CAPN9: variants seen among roughly 807,000 people sequenced by gnomAD.
The protein encoded by CAPN9 is calpain-9.
CAPN9 carries 81 observed loss-of-function variants against 92.8 expected under a neutral mutation model. That is an observed-to-expected ratio of 0.87 (90% CI 0.73 to 1.05). The LOEUF (loss-of-function observed/expected upper bound fraction) is 1.05, where lower values mean the gene tolerates loss of function less well. Among genes scored for constraint, CAPN9 ranks in the 50% least tolerant of loss-of-function variants. CAPN9 has a pLI of 0.00. For missense variants in CAPN9, 848 were observed against 866.2 expected, an observed-to-expected ratio of 0.98 and a Z score of 0.26; for synonymous variants, 304 against 328.0, an observed-to-expected ratio of 0.93 and a Z score of 0.79.
intron 9 of CAPN9, 38 bp from the exon 10 acceptor site, chr1:230,780,141 T>C: frequency 2.5e-6 from 4 of 1,573,608 alleles, no homozygotes; most frequent in East Asian, 4.5e-5. Flanking sequence ...GGGTTGTTTT[T>C]TAAAAGGGGA....
chr1:230,789,819 G>A (rs1030527401), intron 13 of CAPN9, among the ~76,000 whole-genome samples: 2 of 152,180 alleles, frequency 1.3e-5, no homozygotes, highest in Admixed American at 6.5e-5. Context: ...GACAATTCCA[G>A]GAGTTGGTTC....
chr1:230,792,766 C>G (rs7522057), intron 16 of CAPN9, 84 bp from the exon 17 acceptor site: 472,027 of 1,165,460 alleles, frequency 0.41, 98,477 homozygotes, highest in Middle Eastern at 0.58. Flanking sequence ...GTAGCTCCCC[C>G]GGGCTGGCTG....
chr1:230,800,250 GAAAGAAA>G (rs1558124064), intron 19 of CAPN9, among the ~76,000 whole-genome samples: 1 of 102,714 alleles, frequency 9.7e-6, no homozygotes, highest in East Asian at 2.4e-4. Context: ...AAGAAAGAAA[GAAAGAAA>G]GAAAGAAAGA....
At chr1:230,783,820 G>A (rs1211368279) in intron 11 of CAPN9, among the ~76,000 whole-genome samples, 1 of 152,220 alleles carries the variant, frequency 6.6e-6, no homozygotes, top group Non-Finnish European at 1.5e-5. Flanking sequence ...GAAGGCCTCA[G>A]AAGAAGACAG....
At position 230,750,648 on chromosome 1, in the gene CAPN9, C is replaced by T. The variant is rs1012143888; in HGVS notation, c.213+2939C>T. On this transcript the variant is annotated intron_variant, in intron 1 of 19. Transcript: ENST00000271971. ...GTGGGACTCAGCATTACACGGTGCA[C>T]ATCTCAGCAGCCCGTGGGACCGTGG... 5.9e-5 allele frequency among the ~76,000 whole-genome samples: 9 copies of T among 152,314 alleles called. 1 individual carries two copies. The East Asian group carries it at 1.4e-3, about 23-fold the overall frequency.
intron 14 of CAPN9, 124 bp downstream of exon 14, chr1:230,790,313 C>A: frequency 2.2e-6 from 3 of 1,381,346 alleles, no homozygotes; most frequent in Non-Finnish European, 2.8e-6. Context: ...TGTAGGTAGA[C>A]TTTAAAAATA....
intron 1 of CAPN9, among the ~76,000 whole-genome samples, chr1:230,751,664 AAAGAAAGAAAGAAAGAAAG>A (rs1558080271): frequency 7.3e-5 from 4 of 54,430 alleles, no homozygotes; most frequent in African/African-American, 2.0e-4. Flanking sequence ...AGAAAGAAAG[AAAGAAAGAAAGAAAGAAAG>A]AAGGGTGGCT....
At position 230,759,525 on chromosome 1, in the gene CAPN9, A is replaced by G; in HGVS notation, c.297A>G (p.Leu99=). The part of the protein sequence containing the change: ...ICQGELGDCW[L]LAAIASLTLN... ...TCCATTTTGCAGGAGACTGCTGGCT[A>G]TTAGCCGCCATCGCCTCCCTTACGC... Residue 99 remains leucine, a synonymous_variant, in exon 3 of 20, where the codon CTA becomes CTG. Transcript: ENST00000271971. 6.2e-7 allele frequency: 1 copy of G among 1,608,838 alleles called. No homozygotes were observed. The highest frequency in any genetic ancestry group is 8.5e-7 in the Non-Finnish European group (1 of 1,178,060).
At chr1:230,783,633 T>G (rs1345223182) in intron 11 of CAPN9, among the ~76,000 whole-genome samples, 1 of 152,232 alleles carries the variant, frequency 6.6e-6, no homozygotes, top group African/African-American at 2.4e-5. Flanking sequence ...CATGCTTCTT[T>G]GTAAAGCCAA....
intron 3 of CAPN9, among the ~76,000 whole-genome samples, chr1:230,762,088 C>G (rs1665682940): frequency 6.6e-6 from 1 of 152,214 alleles, no homozygotes; most frequent in African/African-American, 2.4e-5. Context: ...CACACACACC[C>G]ACACTCCACT....
intron 14 of CAPN9, among the ~76,000 whole-genome samples, chr1:230,790,987 T>C (rs1363996933): frequency 6.6e-6 from 1 of 152,226 alleles, no homozygotes; most frequent in Non-Finnish European, 1.5e-5. Flanking sequence ...ATGTGGTCCT[T>C]TCTGACTGGC....
At chr1:230,764,656 T>TAA (rs1558091016) in intron 4 of CAPN9, among the ~76,000 whole-genome samples, 5 of 152,272 alleles carry the variant, frequency 3.3e-5, no homozygotes, top group Non-Finnish European at 5.9e-5. Flanking sequence ...TATGCTCTAG[T>TAA]TGCTAAAATT....
intron 1 of CAPN9, chr1:230,752,540 C>A: frequency 4.5e-6 from 1 of 222,824 alleles, no homozygotes; most frequent in Non-Finnish European, 7.5e-6. Context: ...GAGGCGGTGG[C>A]AGCTGCAGGC....
intron 4 of CAPN9, among the ~76,000 whole-genome samples, chr1:230,764,070 A>G (rs769654988): frequency 6.6e-6 from 1 of 152,182 alleles, no homozygotes; most frequent in East Asian, 1.9e-4. Flanking sequence ...CAGCTCACCA[A>G]AAAAAAACTG....
chr1:230,766,059 C>T (rs1227200720), intron 4 of CAPN9, among the ~76,000 whole-genome samples: 1 of 151,672 alleles, frequency 6.6e-6, no homozygotes, highest in African/African-American at 2.4e-5. Flanking sequence ...CTCCGGTCTT[C>T]CTTCCACTAA....
At chr1:230,763,381 C>G (rs1329123150) in intron 4 of CAPN9, among the ~76,000 whole-genome samples, 1 of 152,200 alleles carries the variant, frequency 6.6e-6, no homozygotes, top group East Asian at 1.9e-4. Flanking sequence ...AATTCTGTCC[C>G]TATTAACAAA....
intron 5 of CAPN9, among the ~76,000 whole-genome samples, chr1:230,767,992 A>C (rs1174103194): frequency 6.6e-6 from 1 of 150,938 alleles, no homozygotes; most frequent in Non-Finnish European, 1.5e-5. Context: ...GTGCACATGT[A>C]CCCTAAAACT....
intron 1 of CAPN9, 118 bp from the exon 2 acceptor site, chr1:230,755,219 A>C: frequency 1.3e-6 from 1 of 771,436 alleles, no homozygotes; most frequent in Non-Finnish European, 2.2e-6. Context: ...CTCAGGGAAA[A>C]GAATCAAGCA....
intron 15 of CAPN9, 108 bp from the exon 16 acceptor site, chr1:230,792,318 C>A: frequency 1.1e-6 from 1 of 885,378 alleles, no homozygotes; most frequent in Non-Finnish European, 1.9e-6. Flanking sequence ...AACCTGTGCA[C>A]CCAGGCCAGC....
Sources: allele counts gnomAD v4.1 joint callset (sites outside exome capture counted in the v4.1 genomes callset), GRCh38; gene constraint gnomAD v4.1.1; transcripts MANE v1.5; gene names NCBI Gene and HGNC (gene_info 2026-07-23, HGNC 2026-07-21).